Variants in MYH15 observed in about 807,000 individuals in gnomAD.
MYH15 encodes the protein myosin-15.
MYH15 carries 227 observed loss-of-function variants against 240.5 expected under a neutral mutation model. The ratio of observed to expected loss-of-function variants is 0.94; its 90% CI spans 0.85 to 1.05. The LOEUF is 1.05. MYH15 is among the 50% of genes least tolerant of loss of function. MYH15 has a pLI of 0.00. For synonymous variants in MYH15, 785 were observed against 796.7 expected (o/e 0.99, Z 0.25); for missense variants, 2,217 against 2,247.5 (o/e 0.99, Z 0.27).
chr3:108,434,260 T>C (rs2082811359), intron 25 of MYH15, among the ~76,000 whole-genome samples: 1 of 148,444 alleles, frequency 6.7e-6, no homozygotes. Flanking sequence ...TCAGCTCAGC[T>C]CAATCTCTGC....
At chr3:108,423,559 T>A (rs1160169982) in intron 27 of MYH15, among the ~76,000 whole-genome samples, 4 of 152,252 alleles carry the variant, frequency 2.6e-5, no homozygotes, top group Non-Finnish European at 4.4e-5. Flanking sequence ...TTTTAGGTTG[T>A]CTGCACAGTT....
chr3:108,440,828 T>C (rs1041374087), intron 23 of MYH15, among the ~76,000 whole-genome samples, 190 bp downstream of exon 23: 2 of 152,168 alleles, frequency 1.3e-5, no homozygotes, highest in Admixed American at 6.5e-5. Flanking sequence ...TAAGTTCAAA[T>C]TGGAAATCTG....
At chr3:108,386,087 G>T (rs1318560321) in intron 38 of MYH15, among the ~76,000 whole-genome samples, 1 of 152,144 alleles carries the variant, frequency 6.6e-6, no homozygotes, top group Non-Finnish European at 1.5e-5. Context: ...AACTTGTCAG[G>T]TTTATAAAAT....
chr3:108,507,220 A>G (rs2083483735), intron 1 of MYH15, among the ~76,000 whole-genome samples: 1 of 124,486 alleles, frequency 8.0e-6, no homozygotes, highest in African/African-American at 3.1e-5. Flanking sequence ...CTTTTAAAGG[A>G]AAATGAATAT....
chr3:108,476,638 G>A (rs903195532), intron 11 of MYH15, 123 bp from the exon 12 acceptor site: 2 of 550,752 alleles, frequency 3.6e-6, no homozygotes, highest in African/African-American at 3.8e-5. Flanking sequence ...GCGTAGCAAA[G>A]TAGATTGTAG....
At chr3:108,427,635 C>CACACACACAGAGAG (rs570359637) in intron 27 of MYH15, among the ~76,000 whole-genome samples, 1 of 146,634 alleles carries the variant, frequency 6.8e-6, no homozygotes, top group Non-Finnish European at 1.5e-5. Context: ...CACACACACA[C>CACACACACAGAGAG]AGAGAGAGAG....
At position 108,384,610 on chromosome 3, in the gene MYH15, A is replaced by T. The variant is rs2082367202; in HGVS notation, c.5631+77T>A. The T allele has an allele frequency of 6.1e-6, 8 of 1,320,768 alleles. No individual in the cohort carries two copies. The Admixed American group carries it at 1.4e-4, about 23-fold the overall frequency. 81.8% of individuals were successfully genotyped at this position (1,320,768 alleles called of 1,614,324 possible). A position where few individuals can be genotyped will look rare whatever the true frequency, so the allele number is the denominator to read the frequency against. On this transcript the variant is annotated intron_variant, in intron 39 of 40. Coordinates refer to ENST00000693548, the MANE Select transcript of MYH15 (RefSeq NM_014981.3). ...GTCCTCTCTGACAAGCTGCTTGCTG[A>T]GCTCAGGGTCACAGATCTCCCTTAA...
At chr3:108,443,636 G>C (rs1395681113) in intron 22 of MYH15, among the ~76,000 whole-genome samples, 2 of 152,062 alleles carry the variant, frequency 1.3e-5, no homozygotes, top group Non-Finnish European at 2.9e-5. Context: ...TGACACGTTA[G>C]CATCATACTG....
Position 108,388,942 on chromosome 3 carries a change from A to C in MYH15, c.5535+28T>G, listed in dbSNP as rs556000888. The C allele has an allele frequency of 4.2e-4, 676 of 1,601,956 alleles. 10 individuals are homozygous for C. The South Asian group carries it at 6.9e-3, about 16-fold the overall frequency. ...TTTCTGCAGGGTAGTGCCCAGCCAG[A>C]CAAACAGGGAATGGTTTCCTGGAGT... On this transcript the variant is annotated intron_variant, in intron 38 of 40. Transcript: ENST00000693548.
intron 6 of MYH15, among the ~76,000 whole-genome samples, chr3:108,496,290 C>G (rs552597297): frequency 3.2e-4 from 48 of 152,340 alleles, no homozygotes; most frequent in Non-Finnish European, 5.6e-4. Flanking sequence ...ACAACAGACT[C>G]TTGGTGTTAT....
At chr3:108,445,530 T>C (rs529044105) in intron 21 of MYH15, among the ~76,000 whole-genome samples, 2 of 152,042 alleles carry the variant, frequency 1.3e-5, no homozygotes, top group South Asian at 4.2e-4. Flanking sequence ...TTTTTACTGA[T>C]AATAAATACC....
chr3:108,537,789 G>C, the MYH15 span, among the ~76,000 whole-genome samples: 1 of 152,130 alleles, frequency 6.6e-6, no homozygotes, highest in African/African-American at 2.4e-5. Context: ...TTAGACAGCA[G>C]ATAAATGGGA....
At chr3:108,489,723 C>T (rs369876061) in intron 9 of MYH15, among the ~76,000 whole-genome samples, 17 of 152,164 alleles carry the variant, frequency 1.1e-4, no homozygotes, top group African/African-American at 4.1e-4. Flanking sequence ...TGGACATCAT[C>T]CTCATATCGT....
In MYH15 at chr3:108,463,277, G is replaced by GA. The variant is rs748656518; in HGVS notation, c.1732-35dup. ...AGGCATGCATTTCAGGTTAAAAAAA[G>GA]AAAAAAAACTGCATAAGTTAACATG... On this transcript the variant is annotated intron_variant, in intron 15 of 40. Transcript: ENST00000693548. 1.1e-4 allele frequency: 166 copies of GA among 1,561,974 alleles called. No homozygotes were observed. In the East Asian group the frequency reaches 1.6e-3, roughly 15 times the overall value.
intron 9 of MYH15, among the ~76,000 whole-genome samples, chr3:108,492,177 T>C (rs935611101): frequency 1.2e-4 from 18 of 149,514 alleles, no homozygotes; most frequent in African/African-American, 4.2e-4. Flanking sequence ...TAGCTCTAAT[T>C]AAGGCCTTAA....
chr3:108,453,865 A>G, intron 21 of MYH15, 141 bp downstream of exon 21: 1 of 761,416 alleles, frequency 1.3e-6, no homozygotes, highest in Non-Finnish European at 2.0e-6. Context: ...TCCTTTTGTT[A>G]TCTCATGATT....
intron 11 of MYH15, among the ~76,000 whole-genome samples, chr3:108,480,430 A>G (rs2083257815): frequency 1.3e-5 from 2 of 152,226 alleles, no homozygotes; most frequent in Admixed American, 1.3e-4. Context: ...CGCAGAAGAC[A>G]TCTAATGCCG....
Position 108,486,453 on chromosome 3 carries a change from C to T in MYH15, c.945G>A (p.Leu315=). 1 of 1,611,802 alleles carries T rather than the reference C, an allele frequency of 6.2e-7. No homozygotes were observed. The part of the protein sequence containing the change: ...CSCGAVTVES[L]DDAEELLATE... ...TGGCCAGCAATTCTTCAGCATCATC[C>T]AAGCTCTCCACAGTAACTGCTCCAC... Residue 315 remains leucine (L), a synonymous_variant, in exon 10 of 41, where the codon TTG becomes TTA. Coordinates refer to ENST00000693548, the MANE Select transcript of MYH15 (RefSeq NM_014981.3).
intron 9 of MYH15, among the ~76,000 whole-genome samples, chr3:108,486,982 G>A (rs1328259402): frequency 6.6e-6 from 1 of 152,176 alleles, no homozygotes; most frequent in South Asian, 2.1e-4. Context: ...TGGGGTCAGC[G>A]CCCAGGGAAC....
Sources: allele counts gnomAD v4.1 joint callset (sites outside exome capture counted in the v4.1 genomes callset), GRCh38; gene constraint gnomAD v4.1.1; transcripts MANE v1.5; gene names NCBI Gene and HGNC (gene_info 2026-07-23, HGNC 2026-07-21).